CWF19L1: variants seen among roughly 807,000 people sequenced by gnomAD.
CWF19L1 encodes CWF19 like cell cycle control factor 1, also known as CWF19-like protein 1.
A neutral mutation model predicts 69.7 loss-of-function variants in CWF19L1; 60 were observed. The observed-to-expected ratio is 0.86, with a 90% CI of 0.70 to 1.07. The LOEUF is 1.07. Among genes scored for constraint, CWF19L1 ranks in the 50% least tolerant of loss-of-function variants. CWF19L1 has a pLI of 0.00. For synonymous variants in CWF19L1, 209 were observed against 222.2 expected, an observed-to-expected ratio of 0.94 and a Z score of 0.53; for missense variants, 591 against 638.9, an observed-to-expected ratio of 0.92 and a Z score of 0.81.
chr10:100,240,771 C>G (rs1398288306), intron 10 of CWF19L1, among the ~76,000 whole-genome samples: 1 of 152,136 alleles, frequency 6.6e-6, no homozygotes, highest in East Asian at 1.9e-4. Flanking sequence ...CAAAGCCTAA[C>G]TTACTATACA....
intron 11 of CWF19L1, 143 bp from the exon 12 acceptor site, chr10:100,237,112 T>A: frequency 3.0e-6 from 3 of 997,252 alleles, no homozygotes; most frequent in Non-Finnish European, 4.6e-6. Flanking sequence ...GACAAGCCTG[T>A]GTCAGCCTGT....
At chr10:100,239,607 C>A (rs1046373396) in intron 10 of CWF19L1, among the ~76,000 whole-genome samples, 2 of 152,118 alleles carry the variant, frequency 1.3e-5, no homozygotes, top group African/African-American at 2.4e-5. Context: ...CCACTGCACT[C>A]CAGCCTGGGC....
chr10:100,246,722 A>G, intron 8 of CWF19L1, 73 bp downstream of exon 8: 2 of 1,385,586 alleles, frequency 1.4e-6, no homozygotes, highest in Non-Finnish European at 1.9e-6. Context: ...TAACGATTAA[A>G]CTTGTCTTAT....
intron 7 of CWF19L1, chr10:100,248,748 C>G (rs1375691083): frequency 1.4e-5 from 18 of 1,289,230 alleles, no homozygotes; most frequent in Non-Finnish European, 2.0e-5. Context: ...TTGGGCTCAT[C>G]CTGGATGACG....
intron 11 of CWF19L1, chr10:100,237,391 G>T: frequency 2.5e-6 from 1 of 404,710 alleles, no homozygotes; most frequent in Admixed American, 3.1e-5. Flanking sequence ...CCTCATGCTG[G>T]GCCTCCACAC....
At chr10:100,256,724 C>T (rs1847225717) in intron 4 of CWF19L1, among the ~76,000 whole-genome samples, 1 of 152,140 alleles carries the variant, frequency 6.6e-6, no homozygotes, top group Non-Finnish European at 1.5e-5. Flanking sequence ...TATGTTTATG[C>T]CAGGTGCCTT....
At chr10:100,234,845 C>T (rs190908157) in intron 13 of CWF19L1, among the ~76,000 whole-genome samples, 27 of 152,248 alleles carry the variant, frequency 1.8e-4, no homozygotes, top group Non-Finnish European at 3.8e-4. Context: ...TTGCCTGATA[C>T]GAGGAACAGA....
intron 10 of CWF19L1, 49 bp from the exon 11 acceptor site, chr10:100,238,280 T>C: frequency 6.4e-7 from 1 of 1,561,336 alleles, no homozygotes; most frequent in Non-Finnish European, 8.8e-7. Flanking sequence ...CATGTAGGAT[T>C]CTCCAGGGAG....
intron 10 of CWF19L1, among the ~76,000 whole-genome samples, chr10:100,242,493 G>A (rs915597187): frequency 6.6e-6 from 1 of 152,152 alleles, no homozygotes; most frequent in Non-Finnish European, 1.5e-5. Context: ...GGCCAGCAGG[G>A]TGAAACCCTG....
chr10:100,248,522 T>C (rs1846907808), intron 7 of CWF19L1: 2 of 695,326 alleles, frequency 2.9e-6, no homozygotes, highest in Non-Finnish European at 2.6e-6. Context: ...ATTTACAGAA[T>C]GTCAACATCA....
At chr10:100,242,884 A>C (rs1846681526) in intron 10 of CWF19L1, among the ~76,000 whole-genome samples, 1 of 152,184 alleles carries the variant, frequency 6.6e-6, no homozygotes, top group South Asian at 2.1e-4. Context: ...CAAGAAGTAT[A>C]TAAAAGCATC....
chr10:100,267,147 C>CCAAA (rs1847624171), intron 1 of CWF19L1, among the ~76,000 whole-genome samples: 20 of 30,782 alleles, frequency 6.5e-4, no homozygotes, highest in South Asian at 1.8e-3. Context: ...CTCCTCCTCG[C>CCAAA]AAAAAAAAAA....
chr10:100,248,937 A>C, intron 7 of CWF19L1: 1 of 804,132 alleles, frequency 1.2e-6, no homozygotes, highest in Admixed American at 1.9e-5. Context: ...TCGCCAACTC[A>C]CTGGCCACCG....
intron 1 of CWF19L1, among the ~76,000 whole-genome samples, chr10:100,267,231 C>A (rs117371871): frequency 0.026 from 3,869 of 149,816 alleles, 72 homozygotes; most frequent in Middle Eastern, 0.05. Context: ...TCAGTGGGCC[C>A]AATGGCTATT....
In CWF19L1 at chr10:100,233,242, A is replaced by G. The variant is rs752874282; in HGVS notation, c.1602T>C (p.Phe534=). Residue 534 remains phenylalanine (F), a synonymous_variant, in exon 14 of 14, where the codon TTT becomes TTC. Coordinates refer to ENST00000354105, the MANE Select transcript of CWF19L1 (RefSeq NM_018294.6). ...RFRKDFEPYD[F]TLDD is the part of the protein sequence containing the mutation. ...TCCCTTTGTTTTAGTCATCCAGAGT[A>G]AAGTCATAGGGCTCAAAGTCTTTCC... 6.2e-7 allele frequency: 1 copy of G among 1,612,614 alleles called. No individual in the cohort carries two copies. Among genetic ancestry groups the G allele is most frequent in the Non-Finnish European group, 8.5e-7 (1 of 1,179,288 alleles).
chr10:100,261,021 G>A lies in CWF19L1; in HGVS notation c.132C>T (p.Phe44=). 3 of 1,612,672 alleles carry A rather than the reference G, an allele frequency of 1.9e-6. No individual in the cohort carries two copies. The highest frequency in any genetic ancestry group is 2.5e-6 in the Non-Finnish European group (3 of 1,179,078). Residue 44 remains phenylalanine, a synonymous_variant, in exon 3 of 14, where the codon TTC becomes TTT. Coordinates refer to ENST00000354105, the MANE Select transcript of CWF19L1 (RefSeq NM_018294.6). ...NFDLLLCVGN[F]FGSTQDAEWE... ...ATTCAGCATCTTGGGTGGAGCCAAA[G>A]AAATTTCCTACACACAACAGCAGCT...
Position 100,266,693 on chromosome 10 carries a change from T to TTTTTTTTTG in CWF19L1, c.23+877_23+878insCAAAAAAAA, listed in dbSNP as rs199826886. The stretch of plus-strand genomic sequence containing the variant: ...ACCACGCCTGGCTAATTTTTTTTTT[T>TTTTTTTTTG]TGTATTAGTAGAGACGGGGTGTCAC... On this transcript the variant is annotated intron_variant, in intron 1 of 13. Coordinates refer to ENST00000354105, the MANE Select transcript of CWF19L1 (RefSeq NM_018294.6). Among the ~76,000 whole-genome samples, 402 of 149,908 alleles carry TTTTTTTTTG rather than the reference T, an allele frequency of 2.7e-3. 2 individuals are homozygous for TTTTTTTTTG. The highest frequency in any genetic ancestry group is 0.026 in the East Asian group (128 of 5,012).
chr10:100,242,694 T>G (rs1270704825), intron 10 of CWF19L1, among the ~76,000 whole-genome samples: 2 of 150,422 alleles, frequency 1.3e-5, no homozygotes, highest in Non-Finnish European at 2.9e-5. Flanking sequence ...AAAAAAAAAT[T>G]TCATAAGGCT....
intron 1 of CWF19L1, among the ~76,000 whole-genome samples, chr10:100,266,127 C>A (rs1847573032): frequency 6.6e-6 from 1 of 151,994 alleles, no homozygotes; most frequent in South Asian, 2.1e-4. Flanking sequence ...AAGCCAAATA[C>A]CCCTCTTATG....
Sources: allele counts gnomAD v4.1 joint callset (sites outside exome capture counted in the v4.1 genomes callset), GRCh38; gene constraint gnomAD v4.1.1; transcripts MANE v1.5; gene names NCBI Gene and HGNC (gene_info 2026-07-23, HGNC 2026-07-21).